The following RBFOX1 variants were observed in gnomAD, a reference collection of about 807,000 sequenced individuals.
RBFOX1 encodes the protein RNA binding protein fox-1 homolog 1.
RBFOX1 carries 8 observed loss-of-function variants against 57.7 expected under a neutral mutation model. That is an observed-to-expected ratio of 0.14 (90% CI 0.08 to 0.25). The LOEUF (loss-of-function observed/expected upper bound fraction) is 0.25, where lower values mean the gene tolerates loss of function less well. Among genes scored for constraint, RBFOX1 ranks in the 10% least tolerant of loss-of-function variants. The pLI, the probability that RBFOX1 is intolerant of heterozygous loss-of-function variation, is 1.00. For missense variants in RBFOX1, 611 were observed against 548.5 expected (o/e 1.11, Z -1.14); for synonymous variants, 326 against 222.4 (o/e 1.47, Z -4.15).
chr16:7,070,790 C>T (rs898184656), intron 4 of RBFOX1, among the ~76,000 whole-genome samples: 1 of 152,168 alleles, frequency 6.6e-6, no homozygotes, highest in Non-Finnish European at 1.5e-5. Context: ...CATCCCCCTT[C>T]CCCTTAGCCA....
intron 4 of RBFOX1, among the ~76,000 whole-genome samples, chr16:5,972,831 C>T (rs1271971999): frequency 6.6e-6 from 1 of 152,188 alleles, no homozygotes; most frequent in Non-Finnish European, 1.5e-5. Flanking sequence ...GTTTGGCTTC[C>T]TTAGTAGCAG....
At chr16:7,551,370 G>A (rs574388212) in intron 5 of RBFOX1, among the ~76,000 whole-genome samples, 1 of 152,206 alleles carries the variant, frequency 6.6e-6, no homozygotes, top group East Asian at 1.9e-4. Context: ...TACCCTCCAG[G>A]GGCCCCAGCT....
intron 3 of RBFOX1, among the ~76,000 whole-genome samples, chr16:6,824,982 G>GTTTTTT (rs2091912007): frequency 2.6e-5 from 1 of 38,384 alleles, no homozygotes; most frequent in Non-Finnish European, 6.5e-5. Context: ...TTTCTTTCTT[G>GTTTTTT]GTTTTTTTTT....
At chr16:5,405,028 G>T (rs2066824007) in intron 1 of RBFOX1, among the ~76,000 whole-genome samples, 1 of 152,184 alleles carries the variant, frequency 6.6e-6, no homozygotes, top group Admixed American at 6.5e-5. Flanking sequence ...TGTGAGTTAG[G>T]TACTGTTATT....
chr16:6,582,614 G>A (rs1861212), intron 2 of RBFOX1, among the ~76,000 whole-genome samples: 73,356 of 151,678 alleles, frequency 0.48, 18,779 homozygotes, highest in East Asian at 0.67. Context: ...TGATGACATC[G>A]TAGATCCAAG....
At chr16:5,844,231 A>G (rs571277174) in intron 3 of RBFOX1, among the ~76,000 whole-genome samples, 1 of 152,228 alleles carries the variant, frequency 6.6e-6, no homozygotes, top group African/African-American at 2.4e-5. Flanking sequence ...TTTTTTTTCC[A>G]CCAACCTGAC....
chr16:6,617,497 C>T (rs956266485), intron 2 of RBFOX1, among the ~76,000 whole-genome samples: 7 of 151,698 alleles, frequency 4.6e-5, no homozygotes, highest in Admixed American at 1.3e-4. Context: ...TTGTATTTTT[C>T]CTAGCAGAAG....
chr16:6,472,445 A>C (rs1203134482), intron 2 of RBFOX1, among the ~76,000 whole-genome samples: 4 of 152,036 alleles, frequency 2.6e-5, no homozygotes, highest in African/African-American at 9.7e-5. Flanking sequence ...CACTTGGCCC[A>C]AGTCAAATCC....
At chr16:7,170,718 C>G (rs2080522709) in intron 4 of RBFOX1, among the ~76,000 whole-genome samples, 1 of 151,646 alleles carries the variant, frequency 6.6e-6, no homozygotes, top group African/African-American at 2.4e-5. Context: ...TCCTCACATA[C>G]AGTGAAGTTT....
chr16:7,332,411 C>G (rs572058402), intron 4 of RBFOX1, among the ~76,000 whole-genome samples: 1 of 152,290 alleles, frequency 6.6e-6, no homozygotes, highest in South Asian at 2.1e-4. Context: ...AATTTGAAAT[C>G]AGAGAGAGAG....
chr16:6,675,484 G>C (rs2057477529), intron 3 of RBFOX1, among the ~76,000 whole-genome samples: 1 of 152,204 alleles, frequency 6.6e-6, no homozygotes, highest in African/African-American at 2.4e-5. Context: ...CAAAGCCCTG[G>C]GCTTGGTCAG....
intron 4 of RBFOX1, among the ~76,000 whole-genome samples, chr16:7,351,632 T>G (rs538221720): frequency 1.3e-5 from 2 of 152,304 alleles, no homozygotes; most frequent in African/African-American, 4.8e-5. Context: ...TGTCTTGAAA[T>G]TTTTCACCCA....
intron 3 of RBFOX1, among the ~76,000 whole-genome samples, chr16:6,967,609 A>G (rs1456509753): frequency 6.6e-6 from 1 of 152,020 alleles, no homozygotes; most frequent in Non-Finnish European, 1.5e-5. Flanking sequence ...CCTGCCCCTC[A>G]GTACTCAGTA....
At chr16:5,639,835 G>C (rs1035429774) in intron 3 of RBFOX1, among the ~76,000 whole-genome samples, 7 of 152,198 alleles carry the variant, frequency 4.6e-5, no homozygotes, top group Non-Finnish European at 8.8e-5. Flanking sequence ...TTATGATTGT[G>C]AGTTTCTTCA....
intron 1 of RBFOX1, among the ~76,000 whole-genome samples, chr16:5,321,108 G>T (rs894016017): frequency 2.0e-5 from 3 of 152,156 alleles, no homozygotes; most frequent in African/African-American, 7.2e-5. Flanking sequence ...ATTTTAGCTG[G>T]ACCCAGTTTC....
At chr16:6,430,846 T>C (rs1234608495) in intron 2 of RBFOX1, among the ~76,000 whole-genome samples, 2 of 151,774 alleles carry the variant, frequency 1.3e-5, no homozygotes, top group African/African-American at 4.8e-5. Flanking sequence ...AAGAAGTTAC[T>C]GTGGTCAGGA....
chr16:6,945,928 C>T (rs567566218), intron 3 of RBFOX1, among the ~76,000 whole-genome samples: 66 of 152,318 alleles, frequency 4.3e-4, no homozygotes, highest in African/African-American at 1.4e-3. Flanking sequence ...AACCCTAAGC[C>T]CCCAGGGGCG....
chr16:5,471,260 A>G (rs1166608341), intron 2 of RBFOX1, among the ~76,000 whole-genome samples: 2 of 152,224 alleles, frequency 1.3e-5, no homozygotes, highest in African/African-American at 4.8e-5. Flanking sequence ...TATTGAGGAA[A>G]TGGCGTTCTG....
At chr16:5,984,976 A>ATATAT (rs1359064334) in intron 4 of RBFOX1, among the ~76,000 whole-genome samples, 9 of 55,704 alleles carry the variant, frequency 1.6e-4, no homozygotes, top group African/African-American at 5.2e-4. Context: ...ATATATATAT[A>ATATAT]TTTTTTTTTT....
Sources: gnomAD v4.1 joint callset for allele counts (sites outside exome capture counted in the v4.1 genomes callset) on GRCh38, gnomAD v4.1.1 for gene constraint, MANE v1.5 for transcripts, NCBI Gene and HGNC (gene_info 2026-07-23, HGNC 2026-07-21) for gene names.